Variants in HCN1 observed in about 807,000 individuals in gnomAD.
HCN1 encodes potassium/sodium hyperpolarization-activated cyclic nucleotide-gated channel 1.
A neutral mutation model predicts 78.9 loss-of-function variants in HCN1; 13 were observed. The observed-to-expected ratio is 0.16, with a 90% CI of 0.11 to 0.26. The LOEUF is 0.26. Among genes scored for constraint, HCN1 ranks in the 10% least tolerant of loss-of-function variants. HCN1 has a pLI of 1.00. For synonymous variants in HCN1, 552 were observed against 455.5 expected (o/e 1.21, Z -2.70); for missense variants, 810 against 1,154.3 (o/e 0.70, Z 4.32).
intron 2 of HCN1, among the ~76,000 whole-genome samples, chr5:45,572,114 A>G (rs1237770813): frequency 1.6e-4 from 25 of 152,128 alleles, no homozygotes; most frequent in Admixed American, 1.6e-3. Flanking sequence ...TACACATTAT[A>G]TCTATTGTTA....
intron 6 of HCN1, among the ~76,000 whole-genome samples, chr5:45,292,137 CTT>C (rs1445112288): frequency 1.3e-5 from 2 of 151,874 alleles, no homozygotes; most frequent in African/African-American, 4.8e-5. Flanking sequence ...AATGAACACT[CTT>C]AGGGATATAT....
At chr5:45,478,790 T>C (rs1162643283) in intron 2 of HCN1, among the ~76,000 whole-genome samples, 5 of 152,046 alleles carry the variant, frequency 3.3e-5, no homozygotes, top group African/African-American at 1.2e-4. Context: ...GAGTAAAAGT[T>C]AGCTAAGAAC....
intron 5 of HCN1, among the ~76,000 whole-genome samples, chr5:45,330,451 C>CAT (rs1050484327): frequency 8.0e-5 from 12 of 150,264 alleles, no homozygotes; most frequent in Non-Finnish European, 1.5e-4. Context: ...TACATATATA[C>CAT]ATATATATAT....
At chr5:45,540,372 G>C (rs910584877) in intron 2 of HCN1, among the ~76,000 whole-genome samples, 2 of 149,514 alleles carry the variant, frequency 1.3e-5, no homozygotes, top group African/African-American at 4.9e-5. Context: ...CTGTCATCCA[G>C]ACTGGAGTGC....
intron 2 of HCN1, chr5:45,644,908 A>C: frequency 2.0e-6 from 1 of 498,916 alleles, no homozygotes; most frequent in Non-Finnish European, 3.5e-6. Flanking sequence ...GGTTGTATTG[A>C]TCAAGATAAT....
At chr5:45,530,065 A>C (rs1301648922) in intron 2 of HCN1, among the ~76,000 whole-genome samples, 2 of 152,162 alleles carry the variant, frequency 1.3e-5, no homozygotes, top group African/African-American at 4.8e-5. Context: ...AGACGAATTA[A>C]GACAAAATTC....
intron 4 of HCN1, among the ~76,000 whole-genome samples, chr5:45,395,096 C>T (rs1739661862): frequency 6.6e-6 from 1 of 151,902 alleles, no homozygotes. Flanking sequence ...ATGCTAATCA[C>T]TGCAATCCTG....
chr5:45,659,079 G>T (rs1467790943), intron 1 of HCN1, among the ~76,000 whole-genome samples: 1 of 152,060 alleles, frequency 6.6e-6, no homozygotes, highest in African/African-American at 2.4e-5. Context: ...AGAGACCAGT[G>T]GTTCTCCCAG....
intron 2 of HCN1, among the ~76,000 whole-genome samples, chr5:45,490,425 T>C (rs1290584327): frequency 1.3e-5 from 2 of 152,184 alleles, no homozygotes; most frequent in African/African-American, 4.8e-5. Flanking sequence ...ATTATTTATT[T>C]TCTCCAGTTA....
At chr5:45,621,188 G>A (rs532250505) in intron 2 of HCN1, among the ~76,000 whole-genome samples, 2 of 152,208 alleles carry the variant, frequency 1.3e-5, no homozygotes, top group African/African-American at 4.8e-5. Flanking sequence ...AATCTAAAAG[G>A]GTGATTTCAG....
intron 1 of HCN1, among the ~76,000 whole-genome samples, chr5:45,671,515 T>C (rs1410009678): frequency 6.6e-6 from 1 of 151,464 alleles, no homozygotes; most frequent in Non-Finnish European, 1.5e-5. Context: ...TTTGAATCTA[T>C]TTCAGCACCT....
chr5:45,574,924 TGAG>T (rs752277922), intron 2 of HCN1: 18 of 152,124 alleles, frequency 1.2e-4, no homozygotes, highest in Non-Finnish European at 2.1e-4. Flanking sequence ...CTGAGAGAAA[TGAG>T]GAAGCTACAG....
chr5:45,282,707 C>T (rs931368910), intron 6 of HCN1, among the ~76,000 whole-genome samples: 12 of 152,148 alleles, frequency 7.9e-5, no homozygotes, highest in Admixed American at 5.2e-4. Context: ...GTTCCAGCTA[C>T]GTGCTTCATT....
At chr5:45,460,392 C>G (rs76606060) in intron 3 of HCN1, among the ~76,000 whole-genome samples, 14,212 of 152,036 alleles carry the variant, frequency 0.093, 886 homozygotes, top group East Asian at 0.27. Context: ...ACTCTCCAGG[C>G]TCCAGAGCAG....
chr5:45,615,197 T>C (rs983105722), intron 2 of HCN1, among the ~76,000 whole-genome samples: 1 of 152,062 alleles, frequency 6.6e-6, no homozygotes, highest in African/African-American at 2.4e-5. Flanking sequence ...ACATTTACAT[T>C]AATTGTTTAA....
chr5:45,627,644 T>A (rs568239667), intron 2 of HCN1, among the ~76,000 whole-genome samples: 2 of 152,164 alleles, frequency 1.3e-5, no homozygotes, highest in Admixed American at 6.5e-5. Flanking sequence ...GCACCACATA[T>A]ATGCTGTTAG....
chr5:45,540,711 C>T (rs7700252), intron 2 of HCN1, among the ~76,000 whole-genome samples: 3 of 151,810 alleles, frequency 2.0e-5, no homozygotes, highest in East Asian at 1.9e-4. Context: ...AGCACATTTC[C>T]TTTATTGTTT....
At chr5:45,442,111 T>C (rs1324365451) in intron 3 of HCN1, among the ~76,000 whole-genome samples, 2 of 152,178 alleles carry the variant, frequency 1.3e-5, no homozygotes, top group South Asian at 2.1e-4. Flanking sequence ...CATATTATTA[T>C]TGAAGCAAGT....
chr5:45,633,822 TGTA>T (rs1745311913), intron 2 of HCN1, among the ~76,000 whole-genome samples: 1 of 151,934 alleles, frequency 6.6e-6, no homozygotes, highest in African/African-American at 2.4e-5. Context: ...ATCTAAGAAA[TGTA>T]GTACTAAACA....
Sources: allele counts gnomAD v4.1 joint callset (sites outside exome capture counted in the v4.1 genomes callset), GRCh38; gene constraint gnomAD v4.1.1; transcripts MANE v1.5; gene names NCBI Gene and HGNC (gene_info 2026-07-23, HGNC 2026-07-21).